ATP13A5: variants seen among roughly 807,000 people sequenced by gnomAD.
ATP13A5 encodes probable cation-transporting ATPase 13A5.
Under a neutral mutation model 150.2 loss-of-function variants are expected in ATP13A5, and 149 were observed. The ratio of observed to expected loss-of-function variants is 0.99; its 90% CI spans 0.87 to 1.14. ATP13A5 has a LOEUF of 1.14. Among genes scored for constraint, ATP13A5 ranks in the 50% most tolerant of loss-of-function variants. The pLI is 0.00. For missense variants in ATP13A5, 1,383 were observed against 1,449.3 expected (o/e 0.95, Z 0.74); for synonymous variants, 497 against 522.2 (o/e 0.95, Z 0.66).
At chr3:193,313,950 T>C (rs1718946035) in intron 19 of ATP13A5, 83 bp downstream of exon 19, 2 of 1,455,048 alleles carry the variant, frequency 1.4e-6, no homozygotes, top group Admixed American at 1.9e-5. Context: ...AGATGACTCC[T>C]GGAGTTGAGA....
At chr3:193,299,440 C>A (rs1317626204) in intron 24 of ATP13A5, among the ~76,000 whole-genome samples, 1 of 152,132 alleles carries the variant, frequency 6.6e-6, no homozygotes. Context: ...ATTTGAGAAC[C>A]ACCCTCCTAT....
intron 11 of ATP13A5, among the ~76,000 whole-genome samples, chr3:193,332,877 T>G (rs934603692): frequency 7.9e-5 from 12 of 152,016 alleles, no homozygotes; most frequent in Admixed American, 5.2e-4. Flanking sequence ...TCCATGAGCT[T>G]TTTTCCTGCT....
chr3:193,275,133 TTG>T lies in ATP13A5; in HGVS notation c.3564_3565del (p.Asn1189ArgfsTer4). On this transcript the variant is annotated frameshift_variant, in exon 30 of 30. Coordinates refer to ENST00000342358, the MANE Select transcript of ATP13A5 (RefSeq NM_198505.4). LOFTEE classifies it low-confidence loss of function (END_TRUNC). ...CTGTTCATGGCTTTCATAGCCTCCG[TTG>T]ATGTAGAATCCATTTTTGCCATCAC... is the stretch of plus-strand genomic sequence containing the variant. 6.2e-7 allele frequency: 1 copy of T among 1,614,228 alleles called. No homozygotes were observed. Among genetic ancestry groups the T allele is most frequent in the East Asian group, 2.2e-5 (1 of 44,888 alleles).
intron 7 of ATP13A5, among the ~76,000 whole-genome samples, chr3:193,345,421 T>C (rs1187829750): frequency 2.0e-5 from 3 of 152,174 alleles, no homozygotes; most frequent in Admixed American, 6.5e-5. Context: ...GTGATTCGCA[T>C]ATCAGGCAGC....
chr3:193,332,794 G>A (rs1711685869), intron 11 of ATP13A5, among the ~76,000 whole-genome samples: 1 of 152,128 alleles, frequency 6.6e-6, no homozygotes, highest in Non-Finnish European at 1.5e-5. Context: ...GGGATTATTA[G>A]TCTTGTTGCC....
intron 9 of ATP13A5, among the ~76,000 whole-genome samples, chr3:193,339,298 G>A (rs1340770635): frequency 1.3e-5 from 2 of 151,974 alleles, no homozygotes; most frequent in Non-Finnish European, 2.9e-5. Flanking sequence ...GTTTGCTCTT[G>A]CTTCTGTAGT....
At chr3:193,360,770 G>A (rs1048554101) in intron 5 of ATP13A5, among the ~76,000 whole-genome samples, 13 of 152,012 alleles carry the variant, frequency 8.6e-5, no homozygotes, top group Middle Eastern at 3.2e-3. Context: ...TCCGCCTCCC[G>A]GGTCCAAGCA....
chr3:193,307,496 T>C, intron 21 of ATP13A5, 127 bp from the exon 22 acceptor site: 2 of 1,133,254 alleles, frequency 1.8e-6, no homozygotes, highest in Non-Finnish European at 2.6e-6. Context: ...ACACCTGGAA[T>C]CAGGCTGAAG....
intron 17 of ATP13A5, among the ~76,000 whole-genome samples, chr3:193,315,892 C>A (rs1329330675): frequency 6.7e-6 from 1 of 150,022 alleles, no homozygotes; most frequent in Non-Finnish European, 1.5e-5. Context: ...GTTAAAATCA[C>A]TTCTCTAGAA....
intron 26 of ATP13A5, among the ~76,000 whole-genome samples, chr3:193,289,029 T>TAA (rs908363483): frequency 1.3e-4 from 20 of 152,188 alleles, no homozygotes; most frequent in Non-Finnish European, 2.1e-4. Flanking sequence ...TCTATATTCC[T>TAA]AGTTATACTT....
intron 25 of ATP13A5, among the ~76,000 whole-genome samples, chr3:193,293,084 T>A (rs550010073): frequency 2.0e-5 from 3 of 152,194 alleles, no homozygotes; most frequent in Middle Eastern, 3.4e-3. Flanking sequence ...TTTCCTTTGC[T>A]TAAAGACCCA....
At chr3:193,355,476 G>C (rs529563350) in intron 5 of ATP13A5, among the ~76,000 whole-genome samples, 1 of 152,272 alleles carries the variant, frequency 6.6e-6, no homozygotes, top group Admixed American at 6.5e-5. Context: ...AGGACCAATG[G>C]GGAGAATCTG....
chr3:193,369,987 G>A (rs768264940), intron 1 of ATP13A5, among the ~76,000 whole-genome samples: 3 of 152,128 alleles, frequency 2.0e-5, no homozygotes, highest in East Asian at 1.9e-4. Context: ...GATCAAGACC[G>A]GTAATAGAAA....
chr3:193,321,836 C>T lies in ATP13A5; in HGVS notation c.1760G>A (p.Ser587Asn). 6.2e-7 allele frequency: 1 copy of T among 1,613,098 alleles called. No homozygotes were observed. Among genetic ancestry groups the T allele is most frequent in the Non-Finnish European group, 8.5e-7 (1 of 1,179,456 alleles). Residue 587 changes from serine to asparagine, a missense_variant and splice_region_variant, in exon 16 of 30, where the codon AGT becomes AAT. Around this residue, in one of 3 missense-constraint regions of ATP13A5, gnomAD observed 787 missense variants for 771.9 expected, o/e 1.02. Transcript: ENST00000342358. ...IIKPGPKASK[S>N]PVEAIITLCQ... The stretch of plus-strand genomic sequence containing the variant: ...CAAGGTGATGATGGCTTCCACTGGA[C>T]TCTGCAAGCCCATCAACAACAGGGA...
rs1338812694 is a variant in ATP13A5, at chr3:193,321,856, C to G, written c.1759-19G>C. The G allele has an allele frequency of 5.0e-6, 8 of 1,610,364 alleles. No homozygotes were observed. Among genetic ancestry groups the G allele is most frequent in the Non-Finnish European group, 6.8e-6 (8 of 1,177,454 alleles). The stretch of plus-strand genomic sequence containing the variant: ...CTGGACTCTGCAAGCCCATCAACAA[C>G]AGGGAGCTTAACAAGCTGCTAAGTG... On this transcript the variant is annotated intron_variant, in intron 15 of 29. Transcript: ENST00000342358.
chr3:193,278,535 C>T (rs934984380), intron 28 of ATP13A5, among the ~76,000 whole-genome samples: 6 of 152,170 alleles, frequency 3.9e-5, no homozygotes, highest in Non-Finnish European at 8.8e-5. Context: ...CATTCATTTG[C>T]ATTTCTAAAA....
In ATP13A5 at chr3:193,314,135, G is replaced by T; in HGVS notation, c.2217C>A (p.Gly739=). 6.2e-7 allele frequency: 1 copy of T among 1,613,926 alleles called. No individual in the cohort carries two copies. The highest frequency in any genetic ancestry group is 8.5e-7 in the Non-Finnish European group (1 of 1,179,864). ...CGGCCTCAACAATGATCACTTGGCT[G>T]CCTGGAGGGATCATTTCAGAATTCT... is the stretch of plus-strand genomic sequence containing the variant. ...VAKNSEMIPP[G]SQVIIVEADE... Residue 739 remains glycine, a synonymous_variant, in exon 19 of 30, where the codon GGC becomes GGA. Coordinates refer to ENST00000342358, the MANE Select transcript of ATP13A5 (RefSeq NM_198505.4).
Position 193,333,735 on chromosome 3 carries a change from AC to A in ATP13A5, c.1272+14del. 2.5e-6 allele frequency: 4 copies of A among 1,609,830 alleles called. No homozygotes were observed. Among genetic ancestry groups the A allele is most frequent in the Non-Finnish European group, 3.4e-6 (4 of 1,177,994 alleles). ...AGAATCTATACTATTGAAAAGCCTTACCCCCAGTACTTACTCCATGGTACAT... is the reference window on the plus strand; with the variant it reads ...AGAATCTATACTATTGAAAAGCCTTACCCCAGTACTTACTCCATGGTACAT... On this transcript the variant is annotated intron_variant, in intron 11 of 29. Transcript: ENST00000342358.
intron 12 of ATP13A5, among the ~76,000 whole-genome samples, chr3:193,328,223 G>A (rs187174533): frequency 8.7e-4 from 133 of 152,302 alleles, no homozygotes; most frequent in Non-Finnish European, 1.5e-3. Context: ...ATCATACGGG[G>A]TATGTGGAAA....
Sources: allele counts gnomAD v4.1 joint callset (sites outside exome capture counted in the v4.1 genomes callset), GRCh38; gene constraint gnomAD v4.1.1; regional missense constraint gnomAD v4.1.1; transcripts MANE v1.5; gene names NCBI Gene and HGNC (gene_info 2026-07-23, HGNC 2026-07-21).